The following KCNU1 variants were observed in gnomAD, a reference collection of about 807,000 sequenced individuals.
KCNU1 encodes the protein potassium channel subfamily U member 1.
KCNU1 carries 93 observed loss-of-function variants against 126.8 expected under a neutral mutation model. The ratio of observed to expected loss-of-function variants is 0.73; its 90% CI spans 0.62 to 0.87. KCNU1 has a LOEUF of 0.87. KCNU1 is among the 40% of genes least tolerant of loss of function. The probability of loss-of-function intolerance (pLI) is 0.00; values close to 1 mark genes in which losing one functional copy is unlikely to be tolerated. For synonymous variants in KCNU1, 523 were observed against 494.2 expected (o/e 1.06, Z -0.77); for missense variants, 1,330 against 1,367.1 (o/e 0.97, Z 0.43).
chr8:36,815,576 A>C lies in KCNU1; in HGVS notation c.904-20A>C. The stretch of plus-strand genomic sequence containing the variant: ...TCAAAATAATGAGAACTAAGGTTTT[A>C]TTTTGCTGATCAATTTTAGATATTA... On this transcript the variant is annotated intron_variant, in intron 8 of 26. Transcript: ENST00000399881. 7.6e-7 allele frequency: 1 copy of C among 1,318,888 alleles called. No homozygotes were observed. The highest frequency in any genetic ancestry group is 1.1e-6 in the Non-Finnish European group (1 of 936,410). The allele number at this position is 1,318,888 out of a possible 1,614,324, so 81.7% of individuals were successfully genotyped here.
intron 18 of KCNU1, among the ~76,000 whole-genome samples, chr8:36,861,040 C>T (rs1460484332): frequency 6.6e-6 from 1 of 151,998 alleles, no homozygotes; most frequent in Non-Finnish European, 1.5e-5. Context: ...CCTAATGAAT[C>T]TACCAGCTCA....
intron 23 of KCNU1, among the ~76,000 whole-genome samples, chr8:36,922,110 A>T (rs555875510): frequency 6.6e-6 from 1 of 152,194 alleles, no homozygotes; most frequent in Non-Finnish European, 1.5e-5. Flanking sequence ...AACTGGGGTG[A>T]CCATGTGTTC....
At chr8:36,851,493 G>A (rs10110896) in intron 18 of KCNU1, among the ~76,000 whole-genome samples, 20 of 151,600 alleles carry the variant, frequency 1.3e-4, no homozygotes, top group South Asian at 4.2e-4. Flanking sequence ...GAGACCTCCC[G>A]AGCCATGCAG....
chr8:36,874,532 C>G (rs948532368), intron 19 of KCNU1, among the ~76,000 whole-genome samples: 9 of 152,130 alleles, frequency 5.9e-5, no homozygotes, highest in African/African-American at 1.9e-4. Flanking sequence ...ACAGGTGCCA[C>G]CACGTGCCCT....
At chr8:36,874,719 A>T (rs1806218576) in intron 19 of KCNU1, among the ~76,000 whole-genome samples, 1 of 152,190 alleles carries the variant, frequency 6.6e-6, no homozygotes, top group South Asian at 2.1e-4. Flanking sequence ...AACACAATAT[A>T]TTATTGGCTT....
Position 36,815,697 on chromosome 8 carries a change from GT to G in KCNU1, c.995+14del, listed in dbSNP as rs1803884888. ...CACTCAAAGGAAAGAAGTAAGTAGT[GT>G]TTTAAGTATAATTTCTACAGTTTAA... On this transcript the variant is annotated intron_variant, in intron 9 of 26. Transcript: ENST00000399881. 1.4e-6 allele frequency: 2 copies of G among 1,431,982 alleles called. No homozygotes were observed. The highest frequency in any genetic ancestry group is 3.7e-4 in the Middle Eastern group (2 of 5,348). 88.7% of individuals were successfully genotyped at this position (1,431,982 alleles called of 1,614,324 possible).
intron 10 of KCNU1, among the ~76,000 whole-genome samples, chr8:36,821,460 T>A (rs973376950): frequency 9.9e-5 from 15 of 152,136 alleles, no homozygotes; most frequent in African/African-American, 3.4e-4. Context: ...CTCCATTCAG[T>A]TCACAGGTGT....
At position 36,807,442 on chromosome 8, in the gene KCNU1, CA is replaced by C; in HGVS notation, c.650del (p.Lys217ArgfsTer6). ...AAATCTTGCAAATTCTACGAGCCATCAAGACCAGGTAAATAGCCCTGACCGA... is the reference window on the plus strand; with the variant it reads ...AAATCTTGCAAATTCTACGAGCCATCAGACCAGGTAAATAGCCCTGACCGA... ...PQILQILRAI[K>X]TSNSVKFSKL... On this transcript the variant is annotated frameshift_variant, in exon 6 of 27. Coordinates refer to ENST00000399881, the MANE Select transcript of KCNU1 (RefSeq NM_001031836.3). LOFTEE classifies it high-confidence loss of function. The C allele has an allele frequency of 6.2e-7, 1 of 1,611,560 alleles. No individual in the cohort carries two copies. Among genetic ancestry groups the C allele is most frequent in the Non-Finnish European group, 8.5e-7 (1 of 1,177,784 alleles).
In KCNU1 at chr8:36,814,247, C is replaced by G. The variant is rs370898953; in HGVS notation, c.773C>G (p.Ser258Ter). ...SGDPWLKGRN[S>*]QNISYFESIY... ...GATCCCTGGCTCAAAGGTAGAAATT[C>G]ACAGAATATATCATATTTTGAGTCA... Residue 258 changes from serine to a stop codon, truncating the protein, a stop_gained, in exon 8 of 27, where the codon TCA (serine) becomes TGA (stop). Transcript: ENST00000399881. LOFTEE classifies it high-confidence loss of function. The G allele has an allele frequency of 3.1e-6, 5 of 1,613,136 alleles. No individual in the cohort carries two copies. Among genetic ancestry groups the G allele is most frequent in the African/African-American group, 2.7e-5 (2 of 74,888 alleles).
At chr8:36,919,690 C>A (rs186580333) in intron 23 of KCNU1, among the ~76,000 whole-genome samples, 21 of 152,164 alleles carry the variant, frequency 1.4e-4, no homozygotes, top group Non-Finnish European at 2.6e-4. Context: ...GTGCCACTAG[C>A]GCAGATTGAA....
intron 12 of KCNU1, among the ~76,000 whole-genome samples, chr8:36,835,725 G>A (rs572968985): frequency 6.6e-6 from 1 of 152,250 alleles, no homozygotes; most frequent in Non-Finnish European, 1.5e-5. Flanking sequence ...CGTGACTTGT[G>A]ATAACTGTGA....
chr8:36,924,654 G>T (rs1330221685), intron 24 of KCNU1, among the ~76,000 whole-genome samples: 2 of 152,172 alleles, frequency 1.3e-5, no homozygotes, highest in Non-Finnish European at 2.9e-5. Flanking sequence ...CTGAGAAGGT[G>T]GCTCTGTCAG....
intron 10 of KCNU1, among the ~76,000 whole-genome samples, chr8:36,826,085 G>T (rs991363212): frequency 6.6e-6 from 1 of 151,742 alleles, no homozygotes; most frequent in Non-Finnish European, 1.5e-5. Context: ...TTCAAATGTT[G>T]CTTGTCACCT....
At chr8:36,881,907 G>T (rs963368942) in intron 19 of KCNU1, among the ~76,000 whole-genome samples, 9 of 151,428 alleles carry the variant, frequency 5.9e-5, no homozygotes, top group Non-Finnish European at 1.2e-4. Flanking sequence ...GTTATAGCCA[G>T]ATTCTTACCT....
rs201582866 is a variant in KCNU1 at position 36,905,730 on chromosome 8, C to A, written c.2032C>A (p.Gln678Lys). Residue 678 changes from glutamine (Q) to lysine (K), a missense_variant, in exon 20 of 27, where the codon CAA becomes AAA. This residue lies in a region of KCNU1 where 1,054 missense variants were observed against 1,053.9 expected (regional missense o/e 1.00). Transcript: ENST00000399881. ...TAGGACTCTTCAACATGATGTAGAA[C>A]AAGATTCTGACCAGCTTGATAGCAG... is the stretch of plus-strand genomic sequence containing the variant. Reference protein sequence around the residue: ...TTRTLQHDVEQDSDQLDSSGM... With the variant: ...TTRTLQHDVEKDSDQLDSSGM... 184 of 1,602,030 alleles carry A rather than the reference C, an allele frequency of 1.1e-4. No individual in the cohort carries two copies. The African/African-American group carries it at 2.3e-3, about 20-fold the overall frequency.
chr8:36,881,694 A>G (rs896274575), intron 19 of KCNU1, among the ~76,000 whole-genome samples: 2 of 152,088 alleles, frequency 1.3e-5, no homozygotes, highest in African/African-American at 2.4e-5. Context: ...ATTGCTCACC[A>G]TCTTGAGAAT....
At chr8:36,850,778 T>A (rs1221691533) in intron 18 of KCNU1, among the ~76,000 whole-genome samples, 1 of 152,172 alleles carries the variant, frequency 6.6e-6, no homozygotes, top group Non-Finnish European at 1.5e-5. Context: ...TTCTGAGCTA[T>A]TTTTGTTTAT....
intron 10 of KCNU1, among the ~76,000 whole-genome samples, chr8:36,831,362 T>G (rs920063465): frequency 1.7e-3 from 265 of 151,898 alleles, no homozygotes; most frequent in Non-Finnish European, 3.1e-3. Flanking sequence ...TGAACTAGTT[T>G]ACAGTCCCAC....
At chr8:36,813,538 T>TA (rs1389302278) in intron 7 of KCNU1, among the ~76,000 whole-genome samples, 2 of 150,532 alleles carry the variant, frequency 1.3e-5, no homozygotes, top group East Asian at 3.9e-4. Context: ...CATATATTTA[T>TA]AAAAAATTTA....
Sources: gnomAD v4.1 joint callset for allele counts (sites outside exome capture counted in the v4.1 genomes callset) on GRCh38, gnomAD v4.1.1 for gene constraint, gnomAD v4.1.1 regional missense constraint, MANE v1.5 for transcripts, NCBI Gene and HGNC (gene_info 2026-07-23, HGNC 2026-07-21) for gene names.